FSIP2: variants seen among roughly 807,000 people sequenced by gnomAD.
FSIP2 encodes the protein fibrous sheath interacting protein 2.
FSIP2 carries 367 observed loss-of-function variants against 510.5 expected under a neutral mutation model. That is an observed-to-expected ratio of 0.72 (90% CI 0.66 to 0.78). The LOEUF is 0.78. FSIP2 is among the 30% of genes least tolerant of loss of function. The probability of loss-of-function intolerance (pLI) is 0.00; values close to 1 mark genes in which losing one functional copy is unlikely to be tolerated. For missense variants in FSIP2, 7,594 were observed against 7,901.7 expected (o/e 0.96, Z 1.48); for synonymous variants, 2,601 against 2,732.2 (o/e 0.95, Z 1.50).
chr2:185,764,863 G>A lies in FSIP2; in HGVS notation c.1411+298G>A, dbSNP rs373768464. On this transcript the variant is annotated intron_variant, in intron 13 of 22. Coordinates refer to ENST00000424728, the MANE Select transcript of FSIP2 (RefSeq NM_173651.4). ...CCTTTATAATTTAGAAAGAGACTGC[G>A]TTGAGACATGAAGGATCAGAAGGAA... 7.2e-5 allele frequency: 17 copies of A among 237,002 alleles called. No individual in the cohort carries two copies. In the South Asian group the frequency reaches 1.0e-3, roughly 14 times the overall value. The allele number at this position is 237,002 out of a possible 1,614,324, so 14.7% of individuals were successfully genotyped here.
At chr2:185,783,517 A>G (rs541663438) in intron 14 of FSIP2, among the ~76,000 whole-genome samples, 16 of 152,308 alleles carry the variant, frequency 1.1e-4, no homozygotes, top group Non-Finnish European at 1.6e-4. Flanking sequence ...ATGATGGCAA[A>G]TGATATTGAC....
At chr2:185,814,077 G>C in intron 18 of FSIP2, 35 bp downstream of exon 18, 5 of 1,564,556 alleles carry the variant, frequency 3.2e-6, no homozygotes, top group Non-Finnish European at 4.3e-6. Context: ...TGACTAGAAA[G>C]GGGAGACATC....
intron 16 of FSIP2, 28 bp from the exon 17 acceptor site, chr2:185,799,669 C>G: frequency 9.1e-7 from 1 of 1,098,648 alleles, no homozygotes; most frequent in Non-Finnish European, 1.2e-6. Context: ...TTAATCCATG[C>G]TAAAATTACA....
At position 185,776,738 on chromosome 2, in the gene FSIP2, A is replaced by T. The variant is rs568184449; in HGVS notation, c.1412-5967A>T. On this transcript the variant is annotated intron_variant, in intron 13 of 22. Coordinates refer to ENST00000424728, the MANE Select transcript of FSIP2 (RefSeq NM_173651.4). ...TCTGTCTGAGGGATGCAAGATTTTTATTATTATTATTTTGAGACAGAGTCT... is the reference window on the plus strand; with the variant it reads ...TCTGTCTGAGGGATGCAAGATTTTTTTTATTATTATTTTGAGACAGAGTCT... Among the ~76,000 whole-genome samples the T allele has an allele frequency of 1.2e-4, 18 of 152,104 alleles. 1 individual carries two copies. The highest frequency in any genetic ancestry group is 3.4e-4 in the African/African-American group (14 of 41,524).
At chr2:185,762,597 T>G (rs181825917) in intron 11 of FSIP2, among the ~76,000 whole-genome samples, 8 of 151,590 alleles carry the variant, frequency 5.3e-5, no homozygotes, top group African/African-American at 1.9e-4. Context: ...GCACAAAACC[T>G]AAGTTGCCTT....
At chr2:185,815,934 A>G (rs2370469) in intron 19 of FSIP2, among the ~76,000 whole-genome samples, 147,576 of 152,102 alleles carry the variant, frequency 0.97, 71,673 homozygotes, top group Middle Eastern at 1. Context: ...GGAGTTTGAC[A>G]TGGCTCTTTA....
rs1450218357 is a variant in FSIP2, at chr2:185,746,657, A to T, written c.618-12A>T. 6.7e-7 allele frequency: 1 copy of T among 1,488,166 alleles called. No homozygotes were observed. The highest frequency in any genetic ancestry group is 8.9e-7 in the Non-Finnish European group (1 of 1,126,632). 92.2% of individuals were successfully genotyped at this position (1,488,166 alleles called of 1,614,324 possible). A position where few individuals can be genotyped will look rare whatever the true frequency, so the allele number is the denominator to read the frequency against. ...CCAATTCACCTTTAGCAATATTTGCACTCTTACTCAGATATTTGGATATGA... is the reference window on the plus strand; with the variant it reads ...CCAATTCACCTTTAGCAATATTTGCTCTCTTACTCAGATATTTGGATATGA... On this transcript the variant is annotated splice_polypyrimidine_tract_variant and intron_variant, in intron 5 of 22. Coordinates refer to ENST00000424728, the MANE Select transcript of FSIP2 (RefSeq NM_173651.4).
intron 13 of FSIP2, among the ~76,000 whole-genome samples, chr2:185,775,276 A>G (rs1365261428): frequency 7.3e-5 from 11 of 149,978 alleles, no homozygotes; most frequent in African/African-American, 2.5e-4. Flanking sequence ...TTGCCATTCT[A>G]ACTGGGGTGA....
Position 185,813,703 on chromosome 2 carries a change from T to G in FSIP2, c.19986T>G (p.Asp6662Glu), listed in dbSNP as rs189386917. 1 of 1,610,420 alleles carries G rather than the reference T, an allele frequency of 6.2e-7. No homozygotes were observed. Among genetic ancestry groups the G allele is most frequent in the African/African-American group, 1.3e-5 (1 of 74,840 alleles). The change falls in exon 18 of 23, where the codon GAT becomes GAG. Residue 6662 changes from aspartate to glutamate, a missense_variant. By Grantham distance (45) the Asp-to-Glu change is conservative. Transcript: ENST00000424728. Reference protein sequence around the residue: ...YLENYIKEERDSDEDEVVLTQ... With the variant: ...YLENYIKEERESDEDEVVLTQ... Reference sequence around the variant, plus strand: ...AAAATTACATAAAAGAGGAACGAGATTCTGATGAAGATGAAGTTGTTTTAA... The same window carrying G: ...AAAATTACATAAAAGAGGAACGAGAGTCTGATGAAGATGAAGTTGTTTTAA...
intron 13 of FSIP2, among the ~76,000 whole-genome samples, chr2:185,777,788 C>A (rs1692759648): frequency 6.6e-6 from 1 of 151,990 alleles, no homozygotes; most frequent in Admixed American, 6.5e-5. Flanking sequence ...CATCTAGGTT[C>A]TTGAGAGAGG....
chr2:185,807,972 A>G lies in FSIP2; in HGVS notation c.18666A>G (p.Glu6222=). The change falls in exon 17 of 23, where the codon GAA becomes GAG. Residue 6222 remains glutamate, a synonymous_variant. Transcript: ENST00000424728. Reference sequence around the variant, plus strand: ...CAAAAGTACTAAATTCAGTCCAAGAATTTATCTCCAAAAGTAAGATTAAAC... The same window carrying G: ...CAAAAGTACTAAATTCAGTCCAAGAGTTTATCTCCAAAAGTAAGATTAAAC... ...ITSKVLNSVQ[E]FISKSKIKLV... The G allele has an allele frequency of 6.2e-7, 1 of 1,610,668 alleles. No homozygotes were observed. The highest frequency in any genetic ancestry group is 1.3e-5 in the African/African-American group (1 of 74,864).
chr2:185,763,365 A>G (rs1574162019), intron 12 of FSIP2, 76 bp downstream of exon 12: 2 of 713,074 alleles, frequency 2.8e-6, no homozygotes, highest in Non-Finnish European at 2.5e-6. Flanking sequence ...TTGGTATAAA[A>G]TGTCATGATT....
chr2:185,738,677 T>A, upstream of FSIP2: 1 of 1,536,104 alleles, frequency 6.5e-7, no homozygotes, highest in East Asian at 2.4e-5. Context: ...GGACCGATTT[T>A]CCCAGCTCTG....
At chr2:185,819,207 G>A (rs999570836) in intron 19 of FSIP2, among the ~76,000 whole-genome samples, 7 of 151,764 alleles carry the variant, frequency 4.6e-5, no homozygotes, top group African/African-American at 7.2e-5. Context: ...ATGCATAAAG[G>A]AAATGAGAAC....
Position 185,797,187 on chromosome 2 carries a change from G to C in FSIP2, c.10051G>C (p.Glu3351Gln). Residue 3351 changes from glutamate (E) to glutamine (Q), a missense_variant, in exon 16 of 23, where the codon GAG (glutamate) becomes CAG (glutamine). Coordinates refer to ENST00000424728, the MANE Select transcript of FSIP2 (RefSeq NM_173651.4). ...CGFPSQPHTN[E>Q]NREIMKPFFI... ...CTTTCCAAGTCAACCACACACTAAT[G>C]AGAACAGGGAAATAATGAAACCATT... The C allele has an allele frequency of 6.5e-7, 1 of 1,534,980 alleles. No homozygotes were observed. Among genetic ancestry groups the C allele is most frequent in the Non-Finnish European group, 8.7e-7 (1 of 1,146,236 alleles).
rs1448229419 is a variant in FSIP2, at chr2:185,753,798, T to C, written c.947T>C (p.Ile316Thr). 8 of 1,482,532 alleles carry C rather than the reference T, an allele frequency of 5.4e-6. No homozygotes were observed. Among genetic ancestry groups the C allele is most frequent in the African/African-American group, 1.4e-5 (1 of 70,550 alleles). The allele number at this position is 1,482,532 out of a possible 1,614,324, so 91.8% of individuals were successfully genotyped here. A position where few individuals can be genotyped will look rare whatever the true frequency, so the allele number is the denominator to read the frequency against. The change falls in exon 8 of 23, where the codon ATA becomes ACA. Residue 316 changes from isoleucine to threonine, a missense_variant. By Grantham distance (89) the Ile-to-Thr change is moderately conservative. Coordinates refer to ENST00000424728, the MANE Select transcript of FSIP2 (RefSeq NM_173651.4). ...GATACTGGCTTTAACGGAGAAGATA[T>C]AGGAAAAAATACATTTAAATACAGA... ...MQDTGFNGEDIGKNTFKYRGQ... is the reference protein window; with the variant it reads ...MQDTGFNGEDTGKNTFKYRGQ...
Position 185,801,541 on chromosome 2 carries a change from A to G in FSIP2, c.12235A>G (p.Ile4079Val), listed in dbSNP as rs2105639649. 1 of 1,534,232 alleles carries G rather than the reference A, an allele frequency of 6.5e-7. No homozygotes were observed. Among genetic ancestry groups the G allele is most frequent in the Non-Finnish European group, 8.7e-7 (1 of 1,145,610 alleles). ...CGACAATGCCTCAATAGCAGAACAAATAACAAATGGCATATTGTTAGAGAT... is the reference window on the plus strand; with the variant it reads ...CGACAATGCCTCAATAGCAGAACAAGTAACAAATGGCATATTGTTAGAGAT... ...VYDNASIAEQ[I>V]TNGILLEILD... The change falls in exon 17 of 23, where the codon ATA (isoleucine) becomes GTA (valine). Residue 4079 changes from isoleucine (I) to valine (V), a missense_variant. Ile to Val is a conservative substitution (Grantham distance 29, BLOSUM62 3). Coordinates refer to ENST00000424728, the MANE Select transcript of FSIP2 (RefSeq NM_173651.4).
rs191779169 is a variant in FSIP2, at chr2:185,754,343, C to T, written c.991+501C>T. Among the ~76,000 whole-genome samples the T allele has an allele frequency of 3.1e-3, 474 of 151,520 alleles. 1 individual carries two copies. The highest frequency in any genetic ancestry group is 9.2e-3 in the African/African-American group (383 of 41,444). ...CATTATAAAATTACAATGGGTTTTT[C>T]GCTTCGATATTAGATAAAATTTCAT... On this transcript the variant is annotated intron_variant, in intron 8 of 22. Transcript: ENST00000424728.
Position 185,789,575 on chromosome 2 carries a change from G to A in FSIP2, c.2439G>A (p.Leu813=). The A allele has an allele frequency of 6.5e-7, 1 of 1,534,776 alleles. No individual in the cohort carries two copies. Among genetic ancestry groups the A allele is most frequent in the Non-Finnish European group, 8.7e-7 (1 of 1,145,882 alleles). The change falls in exon 16 of 23, where the codon TTG becomes TTA. Residue 813 remains leucine (L), a synonymous_variant. Transcript: ENST00000424728. The part of the protein sequence containing the change: ...KPLKNSMPHT[L]DPMCDIAEDM... Reference sequence around the variant, plus strand: ...TGAAAAATTCAATGCCTCATACTTTGGACCCAATGTGTGATATTGCAGAGG... The same window carrying A: ...TGAAAAATTCAATGCCTCATACTTTAGACCCAATGTGTGATATTGCAGAGG...
Sources: gnomAD v4.1 joint callset for allele counts (sites outside exome capture counted in the v4.1 genomes callset) on GRCh38, gnomAD v4.1.1 for gene constraint, MANE v1.5 for transcripts, NCBI Gene and HGNC (gene_info 2026-07-23, HGNC 2026-07-21) for gene names.